Variants in SLC25A26 observed in about 807,000 individuals in gnomAD.
SLC25A26 encodes solute carrier family 25 member 26, also known as mitochondrial S-adenosylmethionine carrier protein.
SLC25A26 carries 36 observed loss-of-function variants against 37.8 expected under a neutral mutation model. The observed-to-expected ratio is 0.95, with a 90% CI of 0.73 to 1.26. SLC25A26 has a LOEUF of 1.26. Ranked by LOEUF, SLC25A26 falls within the 50% of genes most tolerant of loss-of-function variation. The probability of loss-of-function intolerance (pLI) is 0.00; values close to 1 mark genes in which losing one functional copy is unlikely to be tolerated. For synonymous variants in SLC25A26, 129 were observed against 122.5 expected (o/e 1.05, Z -0.35); for missense variants, 390 against 331.1 (o/e 1.18, Z -1.38).
chr3:66,286,617 G>T (rs569661233), intron 5 of SLC25A26, among the ~76,000 whole-genome samples: 1 of 152,142 alleles, frequency 6.6e-6, no homozygotes, highest in East Asian at 1.9e-4. Context: ...TCATATTTTT[G>T]AATATCCCAG....
chr3:66,373,240 C>A (rs1700450841), intron 9 of SLC25A26, among the ~76,000 whole-genome samples: 1 of 152,154 alleles, frequency 6.6e-6, no homozygotes, highest in African/African-American at 2.4e-5. Context: ...ATTGTAAGTG[C>A]TTACGTTTGC....
At chr3:66,332,078 C>G (rs902246095) in intron 5 of SLC25A26, among the ~76,000 whole-genome samples, 1 of 151,896 alleles carries the variant, frequency 6.6e-6, no homozygotes, top group South Asian at 2.1e-4. Context: ...ATTACAGGTG[C>G]GCGACACCAA....
chr3:66,245,512 G>A (rs1027739951), intron 3 of SLC25A26, among the ~76,000 whole-genome samples: 3 of 152,258 alleles, frequency 2.0e-5, no homozygotes, highest in African/African-American at 7.2e-5. Flanking sequence ...TCTTAAGTTT[G>A]TAAGCCTTTT....
rs141287111 is a variant in SLC25A26 at position 66,240,569 on chromosome 3, G to A, written c.191-2634G>A. The stretch of plus-strand genomic sequence containing the variant: ...TGGGATTACTGATGTGGGCCACTGT[G>A]CCTGGCCCATCTTTACATTTGTTTA... On this transcript the variant is annotated intron_variant, in intron 2 of 9. Coordinates refer to ENST00000354883, the MANE Select transcript of SLC25A26 (RefSeq NM_001379210.1). Among the ~76,000 whole-genome samples, 26 of 151,974 alleles carry A rather than the reference G, an allele frequency of 1.7e-4. No individual in the cohort carries two copies. The East Asian group carries it at 4.9e-3, about 29-fold the overall frequency.
intron 5 of SLC25A26, among the ~76,000 whole-genome samples, chr3:66,343,324 A>C (rs1451379427): frequency 6.6e-6 from 1 of 152,266 alleles, no homozygotes; most frequent in Non-Finnish European, 1.5e-5. Flanking sequence ...AAAAATTTTC[A>C]CACAGGAATT....
rs1201648297 is a variant in SLC25A26 at position 66,378,670 on chromosome 3, G to C, written c.*863G>C. On this transcript the variant is annotated 3_prime_UTR_variant, in exon 10 of 10. Coordinates refer to ENST00000354883, the MANE Select transcript of SLC25A26 (RefSeq NM_001379210.1). ...AAAACAAAATGTCAGGAATCTAGCA[G>C]TGTTGTCTGCCCTGGAGCAAACAAA... 1 of 152,442 alleles carries C rather than the reference G, an allele frequency of 6.6e-6. No homozygotes were observed. The highest frequency in any genetic ancestry group is 1.5e-5 in the Non-Finnish European group (1 of 68,026). The allele number at this position is 152,442 out of a possible 1,614,324, so 9.4% of individuals were successfully genotyped here. A position where few individuals can be genotyped will look rare whatever the true frequency, so the allele number is the denominator to read the frequency against.
chr3:66,368,146 G>A lies in SLC25A26; in HGVS notation c.569-1332G>A, dbSNP rs552651314. On this transcript the variant is annotated intron_variant, in intron 7 of 9. Transcript: ENST00000354883. ...TTGGCAGAGATCAGATGACCTTCTT[G>A]TCCACAAGCCACAAAAGCGAGAAGG... Among the ~76,000 whole-genome samples the A allele has an allele frequency of 7.9e-5, 12 of 152,260 alleles. No individual in the cohort carries two copies. In the South Asian group the frequency reaches 2.5e-3, roughly 32 times the overall value.
chr3:66,148,745 C>T (rs2070156143), intron 1 of SLC25A26, among the ~76,000 whole-genome samples: 1 of 152,052 alleles, frequency 6.6e-6, no homozygotes, highest in African/African-American at 2.4e-5. Context: ...AATTGATCTT[C>T]TAAAATGTAG....
chr3:66,343,803 G>T (rs1030509723), intron 5 of SLC25A26, among the ~76,000 whole-genome samples: 1 of 152,046 alleles, frequency 6.6e-6, no homozygotes, highest in Non-Finnish European at 1.5e-5. Flanking sequence ...ATATTATAAA[G>T]TTTAAAACAT....
intron 3 of SLC25A26, among the ~76,000 whole-genome samples, chr3:66,260,203 C>T (rs1039772055): frequency 1.3e-5 from 2 of 152,108 alleles, no homozygotes; most frequent in African/African-American, 4.8e-5. Context: ...CCCCACCCCC[C>T]TTTTGGCCAT....
chr3:66,163,611 G>A (rs1205174658), intron 1 of SLC25A26, among the ~76,000 whole-genome samples: 1 of 152,162 alleles, frequency 6.6e-6, no homozygotes, highest in African/African-American at 2.4e-5. Flanking sequence ...AGGACCAGAA[G>A]AGATGTTAGT....
chr3:66,306,624 G>A (rs983709375), intron 5 of SLC25A26, among the ~76,000 whole-genome samples: 13 of 151,750 alleles, frequency 8.6e-5, no homozygotes, highest in Non-Finnish European at 1.5e-4. Context: ...CCCCACATGC[G>A]TTAGGTATTT....
chr3:66,333,433 T>A (rs1358330267), intron 5 of SLC25A26, among the ~76,000 whole-genome samples: 1 of 152,326 alleles, frequency 6.6e-6, no homozygotes, highest in Middle Eastern at 3.4e-3. Context: ...TAATCTACTA[T>A]ATGGTTTATT....
At chr3:66,232,545 C>G (rs2072083423) in intron 1 of SLC25A26, among the ~76,000 whole-genome samples, 1 of 152,112 alleles carries the variant, frequency 6.6e-6, no homozygotes, top group African/African-American at 2.4e-5. Context: ...AGAGGCAAAA[C>G]TATGTAATTA....
intron 4 of SLC25A26, 22 bp from the exon 5 acceptor site, chr3:66,263,310 C>G (rs760904840): frequency 1.9e-6 from 3 of 1,603,692 alleles, no homozygotes; most frequent in South Asian, 2.2e-5. Flanking sequence ...TTTCTGAACT[C>G]TCGGCTGTGT....
At chr3:66,296,209 C>T (rs978223918) in intron 5 of SLC25A26, among the ~76,000 whole-genome samples, 3 of 152,128 alleles carry the variant, frequency 2.0e-5, no homozygotes, top group Non-Finnish European at 4.4e-5. Context: ...GACCAATTCT[C>T]TGAATTATTA....
At chr3:66,246,659 A>G (rs1307822890) in intron 3 of SLC25A26, among the ~76,000 whole-genome samples, 6 of 152,144 alleles carry the variant, frequency 3.9e-5, no homozygotes, top group Non-Finnish European at 8.8e-5. Context: ...ACAGATAAGG[A>G]CATTCTTACC....
intron 5 of SLC25A26, among the ~76,000 whole-genome samples, chr3:66,311,136 C>T (rs931914813): frequency 2.0e-5 from 3 of 152,104 alleles, no homozygotes; most frequent in African/African-American, 7.2e-5. Context: ...ACCAATCAAT[C>T]GTAGGTTTGG....
intron 3 of SLC25A26, among the ~76,000 whole-genome samples, chr3:66,255,137 C>G (rs990182104): frequency 1.3e-5 from 2 of 152,110 alleles, no homozygotes; most frequent in African/African-American, 4.8e-5. Context: ...TGTAGTCTTG[C>G]ATCTTGGGTT....
Sources: allele counts gnomAD v4.1 joint callset (sites outside exome capture counted in the v4.1 genomes callset), GRCh38; gene constraint gnomAD v4.1.1; transcripts MANE v1.5; gene names NCBI Gene and HGNC (gene_info 2026-07-23, HGNC 2026-07-21).